The following TMEM106B variants were observed in gnomAD, a reference collection of about 807,000 sequenced individuals.
TMEM106B encodes the protein transmembrane protein 106B.
In TMEM106B, 15 loss-of-function variants were observed where a neutral mutation model predicts 31.1. The observed-to-expected ratio is 0.48, with a 90% CI of 0.32 to 0.74. TMEM106B has a LOEUF of 0.74. Among genes scored for constraint, TMEM106B ranks in the 30% least tolerant of loss-of-function variants. TMEM106B has a pLI of 0.03. For missense variants in TMEM106B, 283 were observed against 327.3 expected, an observed-to-expected ratio of 0.86 and a Z score of 1.04; for synonymous variants, 126 against 112.5, an observed-to-expected ratio of 1.12 and a Z score of -0.76.
At chr7:12,213,729 A>C (rs936043551) in intron 1 of TMEM106B, among the ~76,000 whole-genome samples, 3 of 152,308 alleles carry the variant, frequency 2.0e-5, no homozygotes, top group African/African-American at 7.2e-5. Flanking sequence ...TTCAGACATT[A>C]TTTTGATTGG....
chr7:12,223,938 C>G (rs1452368582), intron 3 of TMEM106B, among the ~76,000 whole-genome samples: 1 of 152,050 alleles, frequency 6.6e-6, no homozygotes, highest in East Asian at 1.9e-4. Context: ...TCAGGCTGGT[C>G]TCGAACTCCT....
chr7:12,231,191 C>A lies in TMEM106B; in HGVS notation c.686+76C>A, dbSNP rs1782014533. The A allele has an allele frequency of 3.7e-6, 4 of 1,072,818 alleles. No individual in the cohort carries two copies. In the African/African-American group the frequency reaches 4.9e-5, roughly 13 times the overall value. 66.5% of individuals were successfully genotyped at this position (1,072,818 alleles called of 1,614,324 possible). On this transcript the variant is annotated intron_variant, in intron 7 of 7. Coordinates refer to ENST00000396668, the MANE Select transcript of TMEM106B (RefSeq NM_001134232.2). ...TTATAACATTGGCTTATAATATACA[C>A]AACATCTTTATAAATGCCACCTCAG... is the stretch of plus-strand genomic sequence containing the variant.
At chr7:12,219,997 TTAAGA>T (rs1479458495) in intron 3 of TMEM106B, among the ~76,000 whole-genome samples, 1 of 152,106 alleles carries the variant, frequency 6.6e-6, no homozygotes, top group Middle Eastern at 3.2e-3. Flanking sequence ...TTCTTGAACT[TTAAGA>T]AAACAACAAA....
chr7:12,221,631 A>G (rs1467350621), intron 3 of TMEM106B, among the ~76,000 whole-genome samples: 1 of 152,236 alleles, frequency 6.6e-6, no homozygotes, highest in African/African-American at 2.4e-5. Flanking sequence ...GATAAGCCCT[A>G]TGATTGCACC....
chr7:12,218,099 C>A (rs970587411), intron 2 of TMEM106B, among the ~76,000 whole-genome samples: 2 of 152,088 alleles, frequency 1.3e-5, no homozygotes, highest in African/African-American at 4.8e-5. Context: ...TATGTTTCTT[C>A]TTTTATCATC....
intron 2 of TMEM106B, among the ~76,000 whole-genome samples, chr7:12,216,348 C>G (rs571543516): frequency 6.7e-6 from 1 of 148,406 alleles, no homozygotes; most frequent in African/African-American, 2.5e-5. Flanking sequence ...GTTTGAGCAA[C>G]TGAAAGAATG....
chr7:12,221,323 A>G (rs953098905), intron 3 of TMEM106B, among the ~76,000 whole-genome samples: 2 of 152,226 alleles, frequency 1.3e-5, no homozygotes, highest in Non-Finnish European at 2.9e-5. Context: ...AATCACAACA[A>G]ATTTTAAACT....
At chr7:12,229,924 A>C (rs906532232) in intron 5 of TMEM106B, 105 bp downstream of exon 5, 3 of 1,278,794 alleles carry the variant, frequency 2.3e-6, no homozygotes, top group Non-Finnish European at 2.1e-6. Flanking sequence ...CTTGATTTAG[A>C]AATGTGTCTC....
rs1169765784 is a variant in TMEM106B at position 12,242,379 on chromosome 7, C to CAAAAAAAAAAAAAAAAAAA, written c.*10414_*10432dup. On this transcript the variant is annotated 3_prime_UTR_variant, in exon 8 of 8. Coordinates refer to ENST00000396668, the MANE Select transcript of TMEM106B (RefSeq NM_001134232.2). ...TGGGCGACAGAGCGAGACTCCGTCT[C>CAAAAAAAAAAAAAAAAAAA]AAAAAAAAAAAAAAAAAAAAAAAAA... The CAAAAAAAAAAAAAAAAAAA allele has an allele frequency of 8.6e-5, 1 of 11,662 alleles. No homozygotes were observed. The highest frequency in any genetic ancestry group is 1.2e-4 in the Non-Finnish European group (1 of 8,346). The allele number at this position is 11,662 out of a possible 1,614,324, so 0.7% of individuals were successfully genotyped here.
In TMEM106B at chr7:12,239,197, T is replaced by C. The variant is rs774187042; in HGVS notation, c.*7222T>C. ...TTTTATATTATGGAAACAACTTATC[T>C]CCTTAAACATCATTAACCAACCTCT... On this transcript the variant is annotated 3_prime_UTR_variant, in exon 8 of 8. Coordinates refer to ENST00000396668, the MANE Select transcript of TMEM106B (RefSeq NM_001134232.2). 1 of 152,166 alleles carries C rather than the reference T, an allele frequency of 6.6e-6. No homozygotes were observed. Among genetic ancestry groups the C allele is most frequent in the Non-Finnish European group, 1.5e-5 (1 of 68,026 alleles). The allele number at this position is 152,166 out of a possible 1,614,324, so 9.4% of individuals were successfully genotyped here. A position where few individuals can be genotyped will look rare whatever the true frequency, so the allele number is the denominator to read the frequency against.
chr7:12,229,324 C>A (rs991030729), intron 4 of TMEM106B, among the ~76,000 whole-genome samples: 1 of 152,060 alleles, frequency 6.6e-6, no homozygotes, highest in Non-Finnish European at 1.5e-5. Flanking sequence ...TACTAGTGTA[C>A]AAGTTGAAAT....
intron 3 of TMEM106B, among the ~76,000 whole-genome samples, chr7:12,221,129 T>A (rs938796482): frequency 5.3e-5 from 8 of 152,056 alleles, no homozygotes. Context: ...TGTGTACATT[T>A]TTTTTACATA....
chr7:12,217,373 A>G (rs1339304508), intron 2 of TMEM106B, among the ~76,000 whole-genome samples: 1 of 152,200 alleles, frequency 6.6e-6, no homozygotes, highest in Non-Finnish European at 1.5e-5. Context: ...GATATTAAAG[A>G]TTTGAAGAGA....
rs918750318 is a variant in TMEM106B, at chr7:12,237,621, C to A, written c.*5646C>A. 9 of 151,948 alleles carry A rather than the reference C, an allele frequency of 5.9e-5. No individual in the cohort carries two copies. The highest frequency in any genetic ancestry group is 1.9e-4 in the African/African-American group (8 of 41,362). The allele number at this position is 151,948 out of a possible 1,614,324, so 9.4% of individuals were successfully genotyped here. ...ATATGAAAGTTATGTTTACATCATACTGTAGTCTATTAAGTGTGCAATAGC... is the reference window on the plus strand; with the variant it reads ...ATATGAAAGTTATGTTTACATCATAATGTAGTCTATTAAGTGTGCAATAGC... On this transcript the variant is annotated 3_prime_UTR_variant, in exon 8 of 8. Coordinates refer to ENST00000396668, the MANE Select transcript of TMEM106B (RefSeq NM_001134232.2).
chr7:12,224,088 G>A, intron 3 of TMEM106B, 138 bp from the exon 4 acceptor site: 2 of 743,664 alleles, frequency 2.7e-6, no homozygotes, highest in South Asian at 3.7e-5. Context: ...AATACTTTCA[G>A]ATGTGAAAAT....
chr7:12,212,338 C>G (rs1781597591), intron 1 of TMEM106B, among the ~76,000 whole-genome samples: 1 of 152,300 alleles, frequency 6.6e-6, no homozygotes, highest in Non-Finnish European at 1.5e-5. Context: ...ATCTAGTGTT[C>G]CGCATAGACC....
chr7:12,213,594 C>A (rs1211262518), intron 1 of TMEM106B, among the ~76,000 whole-genome samples: 1 of 152,060 alleles, frequency 6.6e-6, no homozygotes, highest in East Asian at 1.9e-4. Flanking sequence ...AGAGAACCTG[C>A]AGGTGTAGAC....
chr7:12,213,888 G>T (rs1781630183), intron 1 of TMEM106B, among the ~76,000 whole-genome samples: 1 of 152,120 alleles, frequency 6.6e-6, no homozygotes, highest in South Asian at 2.1e-4. Context: ...AACCTAAAAA[G>T]GTAGTTCAGG....
At chr7:12,224,528 C>A (rs1347713019) in intron 4 of TMEM106B, 143 bp downstream of exon 4, 2 of 572,206 alleles carry the variant, frequency 3.5e-6, no homozygotes, top group Non-Finnish European at 5.9e-6. Context: ...TATTGACGTT[C>A]TCTACCATTT....
Sources: allele counts gnomAD v4.1 joint callset (sites outside exome capture counted in the v4.1 genomes callset), GRCh38; gene constraint gnomAD v4.1.1; transcripts MANE v1.5; gene names NCBI Gene and HGNC (gene_info 2026-07-23, HGNC 2026-07-21).